Variants in SYNE1 observed in about 807,000 individuals in gnomAD.
The protein encoded by SYNE1 is nesprin-1.
In SYNE1, 616 loss-of-function variants were observed where a neutral mutation model predicts 1,111.0. The ratio of observed to expected loss-of-function variants is 0.55; its 90% CI spans 0.52 to 0.59. The LOEUF (loss-of-function observed/expected upper bound fraction) is 0.59. Among genes scored for constraint, SYNE1 ranks in the 20% least tolerant of loss-of-function variants. The pLI, the probability that SYNE1 is intolerant of heterozygous loss-of-function variation, is 0.00. For synonymous variants in SYNE1, 3,855 were observed against 3,825.8 expected, an observed-to-expected ratio of 1.01 and a Z score of -0.28; for missense variants, 10,006 against 10,417.0, an observed-to-expected ratio of 0.96 and a Z score of 1.72.
At chr6:152,263,149 A>G (rs1358088927) in intron 100 of SYNE1, among the ~76,000 whole-genome samples, 1 of 151,798 alleles carries the variant, frequency 6.6e-6, no homozygotes, top group African/African-American at 2.4e-5. Flanking sequence ...ATGATCGTAC[A>G]GGATGTGGGA....
At chr6:152,474,446 A>G (rs1216348726) in intron 14 of SYNE1, among the ~76,000 whole-genome samples, 2 of 152,182 alleles carry the variant, frequency 1.3e-5, no homozygotes, top group Middle Eastern at 3.2e-3. Context: ...GCTGAGAGAG[A>G]TTGAGTCTTA....
chr6:152,282,499 A>G (rs2094096232), intron 96 of SYNE1, among the ~76,000 whole-genome samples: 1 of 152,172 alleles, frequency 6.6e-6, no homozygotes, highest in Non-Finnish European at 1.5e-5. Context: ...GAGAAATCCA[A>G]ATTTCTAGGT....
At position 152,143,630 on chromosome 6, in the gene SYNE1, T is replaced by C. The variant is rs2058917901; in HGVS notation, c.25112A>G (p.Lys8371Arg). Residue 8371 changes from lysine to arginine, a missense_variant, in exon 138 of 146, where the codon AAA (lysine) becomes AGA (arginine). Physicochemically the swap from Lys to Arg is conservative, Grantham distance 26. Around this residue, in one of 7 missense-constraint regions of SYNE1, gnomAD observed 761 missense variants for 795.5 expected, o/e 0.96. Transcript: ENST00000367255. ...PTGPELDTSY[K>R]GYMKLLGECS... ...GATGGCCAGGATACTTACGTAGCCT[T>C]TGTAGCTGGTGTCTAGCTCCGGCCC... is the stretch of plus-strand genomic sequence containing the variant. 1 of 1,614,172 alleles carries C rather than the reference T, an allele frequency of 6.2e-7. No homozygotes were observed. The highest frequency in any genetic ancestry group is 8.5e-7 in the Non-Finnish European group (1 of 1,180,032).
At chr6:152,484,751 A>G (rs1593676939) in intron 13 of SYNE1, 84 bp downstream of exon 13, 2 of 1,456,578 alleles carry the variant, frequency 1.4e-6, no homozygotes, top group East Asian at 4.7e-5. Context: ...ACCTGTTGCC[A>G]TACCACTGTG....
intron 24 of SYNE1, 52 bp from the exon 25 acceptor site, chr6:152,453,772 C>T: frequency 1.2e-6 from 2 of 1,612,584 alleles, no homozygotes; most frequent in South Asian, 2.2e-5. Flanking sequence ...GAAAAGGCAG[C>T]ACCAGGCACA....
At chr6:152,251,979 A>G (rs1403229719) in intron 104 of SYNE1, among the ~76,000 whole-genome samples, 1 of 119,354 alleles carries the variant, frequency 8.4e-6, no homozygotes, top group Non-Finnish European at 1.8e-5. Flanking sequence ...AAGCTTTAAA[A>G]CCAGTTGTGT....
intron 127 of SYNE1, among the ~76,000 whole-genome samples, chr6:152,190,643 T>C (rs2635457): frequency 0.097 from 14,822 of 152,222 alleles, 1,419 homozygotes; most frequent in African/African-American, 0.26. Context: ...TGACTACATT[T>C]GCCTTGTTGT....
chr6:152,502,216 T>C (rs1171623316), intron 10 of SYNE1, among the ~76,000 whole-genome samples: 2 of 144,490 alleles, frequency 1.4e-5, no homozygotes, highest in Non-Finnish European at 2.9e-5. Context: ...CTTACTTCCA[T>C]ATGTTTGCTG....
intron 3 of SYNE1, among the ~76,000 whole-genome samples, chr6:152,616,338 T>A (rs1472608471): frequency 1.3e-5 from 2 of 151,966 alleles, no homozygotes; most frequent in East Asian, 1.9e-4. Context: ...CTTTGGGAGG[T>A]TGGGCAGGAG....
In SYNE1 at chr6:152,402,654, C is replaced by T. The variant is rs1396170752; in HGVS notation, c.6826-1313G>A. ...GTTCTTCAGGTGGCACTGCCGGAAC[C>T]CTTCTGCCTTGAGGTAAGGTAAGCC... On this transcript the variant is annotated intron_variant, in intron 46 of 145. Coordinates refer to ENST00000367255, the MANE Select transcript of SYNE1 (RefSeq NM_182961.4). 2.6e-5 allele frequency: 4 copies of T among 152,332 alleles called. No homozygotes were observed. The South Asian group carries it at 6.2e-4, about 24-fold the overall frequency. 9.4% of individuals were successfully genotyped at this position (152,332 alleles called of 1,614,324 possible).
intron 3 of SYNE1, among the ~76,000 whole-genome samples, chr6:152,548,388 T>C (rs1402613847): frequency 6.6e-6 from 1 of 152,182 alleles, no homozygotes; most frequent in Non-Finnish European, 1.5e-5. Flanking sequence ...CACGTGTGGC[T>C]CACTGGATTT....
chr6:152,323,567 C>T lies in SYNE1; in HGVS notation c.15828G>A (p.Leu5276=). The change falls in exon 82 of 146, where the codon CTG becomes CTA. Residue 5276 remains leucine (L), a synonymous_variant. Coordinates refer to ENST00000367255, the MANE Select transcript of SYNE1 (RefSeq NM_182961.4). ...GGGCGGCTCCATCCTGGAGCATGCT[C>T]AGGGTTTGCTGCCGCAGCATGCCCA... ...SALGMLRQQT[L]SMLQDGAAPT... The T allele has an allele frequency of 6.2e-7, 1 of 1,614,236 alleles. No individual in the cohort carries two copies. Among genetic ancestry groups the T allele is most frequent in the Non-Finnish European group, 8.5e-7 (1 of 1,180,038 alleles).
intron 117 of SYNE1, among the ~76,000 whole-genome samples, chr6:152,222,943 C>T (rs540780678): frequency 1.3e-4 from 20 of 152,126 alleles, no homozygotes; most frequent in Non-Finnish European, 2.1e-4. Flanking sequence ...TACCAAGGAC[C>T]AGTAAGGGAA....
intron 10 of SYNE1, among the ~76,000 whole-genome samples, chr6:152,499,933 A>C (rs1050886338): frequency 2.0e-5 from 3 of 152,230 alleles, no homozygotes; most frequent in Admixed American, 2.0e-4. Context: ...GTATATTAAA[A>C]AGCCTATATC....
rs548972580 is a variant in SYNE1 at position 152,368,990 on chromosome 6, C to T, written c.9789G>A (p.Ala3263=). Residue 3263 remains alanine, a synonymous_variant, in exon 61 of 146, where the codon GCG becomes GCA. Coordinates refer to ENST00000367255, the MANE Select transcript of SYNE1 (RefSeq NM_182961.4). ...RVSQLSSQYL[A]LSNLTKEKVS... The stretch of plus-strand genomic sequence containing the variant: ...GCGTTACCTTTGTTAAATTGCTTAG[C>T]GCTAGATACTGAGAAGACAGCTGCG... 18 of 1,614,062 alleles carry T rather than the reference C, an allele frequency of 1.1e-5. No individual in the cohort carries two copies. Among genetic ancestry groups the T allele is most frequent in the African/African-American group, 4.0e-5 (3 of 74,920 alleles).
intron 81 of SYNE1, 59 bp downstream of exon 81, chr6:152,325,025 T>G (rs2096018560): frequency 6.3e-7 from 1 of 1,596,352 alleles, no homozygotes; most frequent in South Asian, 1.1e-5. Context: ...ATACTGTGTT[T>G]CAAAATACAT....
chr6:152,540,164 A>T, intron 3 of SYNE1, 143 bp from the exon 4 acceptor site: 2 of 786,954 alleles, frequency 2.5e-6, no homozygotes, highest in Non-Finnish European at 4.3e-6. Context: ...TGAAGGGAAA[A>T]GTCAACAAGA....
chr6:152,286,464 A>G (rs1423444940), intron 95 of SYNE1, among the ~76,000 whole-genome samples: 1 of 152,124 alleles, frequency 6.6e-6, no homozygotes. Context: ...GAGTTAACCC[A>G]TTTTTATCAT....
chr6:152,233,358 C>G lies in SYNE1; in HGVS notation c.20712+423G>C, dbSNP rs116192888. ...TCTTTTTTTTTTTTCTGGAGACAGTCTCACTGTCACCCAGGCTGGAGTGCA... is the reference window on the plus strand; with the variant it reads ...TCTTTTTTTTTTTTCTGGAGACAGTGTCACTGTCACCCAGGCTGGAGTGCA... On this transcript the variant is annotated intron_variant, in intron 112 of 145. Transcript: ENST00000367255. 7.8e-3 allele frequency among the ~76,000 whole-genome samples: 1,178 copies of G among 151,524 alleles called. 13 individuals are homozygous for G. Among genetic ancestry groups the G allele is most frequent in the African/African-American group, 0.027 (1,109 of 41,264 alleles).
Sources: gnomAD v4.1 joint callset for allele counts (sites outside exome capture counted in the v4.1 genomes callset) on GRCh38, gnomAD v4.1.1 for gene constraint, gnomAD v4.1.1 regional missense constraint, MANE v1.5 for transcripts, NCBI Gene and HGNC (gene_info 2026-07-23, HGNC 2026-07-21) for gene names.